NXPE1: variants seen among roughly 807,000 people sequenced by gnomAD.
NXPE1 encodes neurexophilin and PC-esterase domain family member 1, also known as NXPE family member 1.
Under a neutral mutation model 33.3 loss-of-function variants are expected in NXPE1, and 31 were observed. That is an observed-to-expected ratio of 0.93 (90% CI 0.70 to 1.26). The LOEUF (loss-of-function observed/expected upper bound fraction) is 1.26. Ranked by LOEUF, NXPE1 falls within the 50% of genes most tolerant of loss-of-function variation. NXPE1 has a pLI of 0.00. For missense variants in NXPE1, 661 were observed against 655.6 expected, an observed-to-expected ratio of 1.01 and a Z score of -0.09; for synonymous variants, 229 against 231.4, an observed-to-expected ratio of 0.99 and a Z score of 0.09.
chr11:114,555,906 T>C (rs1251920817), intron 1 of NXPE1, among the ~76,000 whole-genome samples: 1 of 152,214 alleles, frequency 6.6e-6, no homozygotes, highest in African/African-American at 2.4e-5. Flanking sequence ...CTATTCCTCA[T>C]TTGATAAATA....
intron 5 of NXPE1, among the ~76,000 whole-genome samples, chr11:114,541,428 A>G (rs74912513): frequency 0.047 from 7,210 of 152,308 alleles, 264 homozygotes; most frequent in Non-Finnish European, 0.076. Flanking sequence ...AAGGATGGAG[A>G]AATATTTAGA....
chr11:114,546,155 A>G (rs1254019949), intron 5 of NXPE1, among the ~76,000 whole-genome samples: 1 of 152,250 alleles, frequency 6.6e-6, no homozygotes, highest in African/African-American at 2.4e-5. Context: ...AAATTAATAG[A>G]GTCTGTAAGG....
At chr11:114,530,785 C>T in exon 6 of NXPE1, 2 of 1,614,142 alleles carry the variant, frequency 1.2e-6, no homozygotes, top group Non-Finnish European at 1.7e-6. Flanking sequence ...TCTATGATTT[C>T]CTTTATTCTG....
intron 6 of NXPE1, among the ~76,000 whole-genome samples, chr11:114,528,326 T>A (rs528432541): frequency 6.6e-6 from 1 of 152,306 alleles, no homozygotes; most frequent in African/African-American, 2.4e-5. Flanking sequence ...AGAGCACCCT[T>A]TCTCATTGCA....
At chr11:114,550,023 A>G (rs1019641374) in intron 5 of NXPE1, among the ~76,000 whole-genome samples, 1 of 152,160 alleles carries the variant, frequency 6.6e-6, no homozygotes, top group African/African-American at 2.4e-5. Context: ...CGTGTCCAAG[A>G]TTTATATGAG....
chr11:114,539,187 A>T (rs929677060), intron 5 of NXPE1, among the ~76,000 whole-genome samples: 1 of 152,056 alleles, frequency 6.6e-6, no homozygotes, highest in Non-Finnish European at 1.5e-5. Flanking sequence ...ACAAGGACAA[A>T]AAACCAAATA....
chr11:114,558,185 C>T (rs946822464), intron 1 of NXPE1, among the ~76,000 whole-genome samples: 35 of 152,168 alleles, frequency 2.3e-4, no homozygotes, highest in African/African-American at 6.3e-4. Context: ...ACTATACACA[C>T]ATCTATGTAT....
intron 6 of NXPE1, chr11:114,529,478 G>A (rs1332370996): frequency 6.6e-6 from 1 of 152,220 alleles, no homozygotes; most frequent in Non-Finnish European, 1.5e-5. Flanking sequence ...CTGTGAGTCG[G>A]GGGAGAAAAG....
chr11:114,533,141 C>T (rs1313531089), intron 5 of NXPE1, among the ~76,000 whole-genome samples: 1 of 152,060 alleles, frequency 6.6e-6, no homozygotes, highest in African/African-American at 2.4e-5. Flanking sequence ...GGGGGAGAAA[C>T]AGACTTTTTT....
chr11:114,523,726 G>C (rs1419064844), intron 7 of NXPE1, among the ~76,000 whole-genome samples: 2 of 152,266 alleles, frequency 1.3e-5, no homozygotes, highest in South Asian at 4.1e-4. Flanking sequence ...CAGGTAGGTA[G>C]CAGTGAAGCA....
chr11:114,551,350 C>G, intron 4 of NXPE1, 33 bp downstream of exon 4: 2 of 1,415,474 alleles, frequency 1.4e-6, no homozygotes, highest in East Asian at 2.6e-5. Flanking sequence ...CCTCTGCTAA[C>G]TAACAACTCA....
chr11:114,549,775 G>C lies in NXPE1; in HGVS notation c.99+1328C>G, dbSNP rs1490324169. 3.3e-5 allele frequency among the ~76,000 whole-genome samples: 5 copies of C among 151,466 alleles called. No homozygotes were observed. The South Asian group carries it at 1.0e-3, about 31-fold the overall frequency. On this transcript the variant is annotated intron_variant, in intron 5 of 8. Coordinates refer to ENST00000534921, the Ensembl canonical transcript of NXPE1. ...CAATTCGAGACACTGGAATTGAAAA[G>C]GAAATAAAAATAATCTTTATTTTCA...
At chr11:114,524,910 C>G (rs115561235) in intron 7 of NXPE1, among the ~76,000 whole-genome samples, 128 of 152,248 alleles carry the variant, frequency 8.4e-4, no homozygotes, top group African/African-American at 2.9e-3. Flanking sequence ...AAAAGCAACT[C>G]CATTTTAGAT....
rs557874771 is a variant in NXPE1, at chr11:114,558,363, A to G, written c.-211+1435T>C. 5.9e-5 allele frequency among the ~76,000 whole-genome samples: 9 copies of G among 152,308 alleles called. No individual in the cohort carries two copies. In the South Asian group the frequency reaches 1.9e-3, roughly 32 times the overall value. On this transcript the variant is annotated intron_variant, in intron 1 of 8. Transcript: ENST00000534921. ...GCACACATAGAGAACAAAGATGATTAGAAGTGGCCATATTGGGTACGTTTG... is the reference window on the plus strand; with the variant it reads ...GCACACATAGAGAACAAAGATGATTGGAAGTGGCCATATTGGGTACGTTTG...
At chr11:114,537,130 G>A (rs1947860904) in intron 5 of NXPE1, among the ~76,000 whole-genome samples, 1 of 152,016 alleles carries the variant, frequency 6.6e-6, no homozygotes, top group African/African-American at 2.4e-5. Flanking sequence ...TTCAACATAT[G>A]CAAATCAATA....
rs1948637739 is a variant in NXPE1 at position 114,555,956 on chromosome 11, T to A, written c.-210-3076A>T. On this transcript the variant is annotated intron_variant, in intron 1 of 8. Transcript: ENST00000534921. ...AGATTGGGGCTATTGTGAATAGAGC[T>A]GCTCTGAATATTCATATATGGTTCT... Among the ~76,000 whole-genome samples, 3 of 152,250 alleles carry A rather than the reference T, an allele frequency of 2.0e-5. No individual in the cohort carries two copies. The South Asian group carries it at 6.2e-4, about 31-fold the overall frequency.
chr11:114,542,731 T>C (rs2135059769), intron 5 of NXPE1, among the ~76,000 whole-genome samples: 1 of 152,184 alleles, frequency 6.6e-6, no homozygotes, highest in Middle Eastern at 3.4e-3. Flanking sequence ...AGGGAAGCAA[T>C]AGTCATTTAC....
intron 7 of NXPE1, among the ~76,000 whole-genome samples, chr11:114,525,840 C>T (rs558818880): frequency 9.2e-5 from 14 of 152,292 alleles, no homozygotes; most frequent in African/African-American, 1.7e-4. Context: ...TGTCTTTGTT[C>T]GGGGCTCAGC....
In NXPE1 at chr11:114,523,092, C is replaced by T. The variant is rs746107597; in HGVS notation, c.896-1G>A. On this transcript the variant is annotated splice_acceptor_variant, in intron 7 of 8. Transcript: ENST00000534921. LOFTEE classifies it high-confidence loss of function. Reference sequence around the variant, plus strand: ...CATGTCTCTTCTATTTTTTCTCTCTCTGGTAACAAAGACACTCGTAAATGA... The same window carrying T: ...CATGTCTCTTCTATTTTTTCTCTCTTTGGTAACAAAGACACTCGTAAATGA... 1.2e-6 allele frequency: 2 copies of T among 1,608,292 alleles called. No individual in the cohort carries two copies. Among genetic ancestry groups the T allele is most frequent in the Admixed American group, 1.7e-5 (1 of 59,884 alleles).
Sources: gnomAD v4.1 joint callset for allele counts (sites outside exome capture counted in the v4.1 genomes callset) on GRCh38, gnomAD v4.1.1 for gene constraint, MANE v1.5 for transcripts, NCBI Gene and HGNC (gene_info 2026-07-23, HGNC 2026-07-21) for gene names.